Variants in CLEC16A observed in about 807,000 individuals in gnomAD.
CLEC16A encodes C-type lectin domain containing 16A, also known as protein CLEC16A.
CLEC16A carries 51 observed loss-of-function variants against 109.5 expected under a neutral mutation model. That is an observed-to-expected ratio of 0.47 (90% confidence interval 0.37 to 0.59). The LOEUF is 0.59. Ranked by LOEUF, CLEC16A falls within the 20% of genes least tolerant of loss-of-function variation. CLEC16A has a pLI of 0.00. For missense variants in CLEC16A, 1,339 were observed against 1,394.0 expected, an observed-to-expected ratio of 0.96 and a Z score of 0.63; for synonymous variants, 673 against 564.2, an observed-to-expected ratio of 1.19 and a Z score of -2.73.
chr16:11,000,295 C>T (rs546283338), intron 10 of CLEC16A, among the ~76,000 whole-genome samples: 2 of 152,296 alleles, frequency 1.3e-5, no homozygotes, highest in South Asian at 2.1e-4. Context: ...TATTTCACTT[C>T]GTCAGTTCTG....
At chr16:10,948,774 C>T (rs927577888) in intron 1 of CLEC16A, among the ~76,000 whole-genome samples, 3 of 152,160 alleles carry the variant, frequency 2.0e-5, no homozygotes, top group African/African-American at 7.2e-5. Context: ...TGTTTGGAGC[C>T]GTCAGAAATC....
At chr16:10,997,665 A>G (rs187847490) in intron 10 of CLEC16A, among the ~76,000 whole-genome samples, 38 of 152,354 alleles carry the variant, frequency 2.5e-4, no homozygotes, top group Admixed American at 6.5e-4. Context: ...TAATAAAACA[A>G]TTGAGTGATG....
At chr16:11,176,844 C>T (rs1406848546) in intron 23 of CLEC16A, among the ~76,000 whole-genome samples, 1 of 152,214 alleles carries the variant, frequency 6.6e-6, no homozygotes, top group Non-Finnish European at 1.5e-5. Flanking sequence ...GTCTGTCTCT[C>T]GTGCTTTCGC....
intron 11 of CLEC16A, among the ~76,000 whole-genome samples, chr16:11,012,666 T>G (rs1463022701): frequency 6.6e-6 from 1 of 151,686 alleles, no homozygotes; most frequent in Non-Finnish European, 1.5e-5. Context: ...ACCCGATTTT[T>G]GGTGAATTAA....
chr16:11,177,663 T>TG (rs922738450), intron 23 of CLEC16A, among the ~76,000 whole-genome samples: 4 of 148,794 alleles, frequency 2.7e-5, no homozygotes, highest in African/African-American at 9.9e-5. Context: ...CTGCGTTGGG[T>TG]GGAACCTCAC....
At chr16:11,029,645 T>G (rs1462517699) in intron 13 of CLEC16A, among the ~76,000 whole-genome samples, 1 of 152,216 alleles carries the variant, frequency 6.6e-6, no homozygotes, top group Non-Finnish European at 1.5e-5. Context: ...TTGTTTTGTA[T>G]ATATTGTCTT....
At chr16:11,157,435 C>T (rs568049644) in intron 22 of CLEC16A, among the ~76,000 whole-genome samples, 1 of 152,230 alleles carries the variant, frequency 6.6e-6, no homozygotes, top group African/African-American at 2.4e-5. Flanking sequence ...TTCATTGCCC[C>T]GAAAGCACAG....
chr16:11,169,975 A>G (rs1021529161), intron 23 of CLEC16A, among the ~76,000 whole-genome samples: 1 of 152,174 alleles, frequency 6.6e-6, no homozygotes, highest in Non-Finnish European at 1.5e-5. Flanking sequence ...TAGAAAACAC[A>G]GGGGCCCAGA....
At position 10,954,903 on chromosome 16, in the gene CLEC16A, C is replaced by G. The variant is rs2041915095; in HGVS notation, c.81-2879C>G. 2.6e-5 allele frequency among the ~76,000 whole-genome samples: 4 copies of G among 152,218 alleles called. No individual in the cohort carries two copies. Among genetic ancestry groups the G allele is most frequent in the Admixed American group, 2.6e-4 (4 of 15,280 alleles). ...TGTAGTAATAATGTGAATAACGGCCCCCACCACAATGACCATAATCTAATC... is the reference window on the plus strand; with the variant it reads ...TGTAGTAATAATGTGAATAACGGCCGCCACCACAATGACCATAATCTAATC... On this transcript the variant is annotated intron_variant, in intron 1 of 23. Coordinates refer to ENST00000409790, the MANE Select transcript of CLEC16A (RefSeq NM_015226.3). The surrounding 1 kb of genome is among the most constrained non-coding windows in gnomAD (Gnocchi z 4.2).
At chr16:11,068,022 C>T (rs2048863011) in intron 19 of CLEC16A, among the ~76,000 whole-genome samples, 1 of 152,254 alleles carries the variant, frequency 6.6e-6, no homozygotes, top group Admixed American at 6.5e-5. Context: ...TGCTCTCCTT[C>T]TGGCTGTTTC....
At chr16:11,044,159 A>T (rs1444385907) in intron 16 of CLEC16A, 87 bp downstream of exon 16, 1 of 1,140,944 alleles carries the variant, frequency 8.8e-7, no homozygotes, top group Non-Finnish European at 1.2e-6. Context: ...GATAAACGTT[A>T]TATGTCTTCA....
At chr16:10,949,635 G>A (rs895282689) in intron 1 of CLEC16A, among the ~76,000 whole-genome samples, 1 of 152,164 alleles carries the variant, frequency 6.6e-6, no homozygotes, top group Non-Finnish European at 1.5e-5. Flanking sequence ...CTGGGGCCCT[G>A]TAAATCACTT....
chr16:10,959,386 G>A (rs1483081306), intron 2 of CLEC16A, among the ~76,000 whole-genome samples: 1 of 151,956 alleles, frequency 6.6e-6, no homozygotes, highest in Non-Finnish European at 1.5e-5. Flanking sequence ...GGATCCATGG[G>A]GAATTTTGTT....
intron 10 of CLEC16A, among the ~76,000 whole-genome samples, chr16:10,999,848 AT>A (rs2044559522): frequency 6.6e-6 from 1 of 151,740 alleles, no homozygotes; most frequent in African/African-American, 2.4e-5. Context: ...TTATTTATTT[AT>A]TTTGAGACGG....
At chr16:11,017,772 C>G (rs1010929687) in intron 11 of CLEC16A, among the ~76,000 whole-genome samples, 1 of 152,150 alleles carries the variant, frequency 6.6e-6, no homozygotes, top group African/African-American at 2.4e-5. Context: ...AGACATTGCA[C>G]AAACCCAGAG....
chr16:11,137,670 G>A (rs191616313), intron 22 of CLEC16A, among the ~76,000 whole-genome samples: 26 of 151,750 alleles, frequency 1.7e-4, no homozygotes, highest in South Asian at 1.0e-3. Flanking sequence ...GTAGCCGGGC[G>A]TGGTGGTGTG....
chr16:11,042,297 T>G lies in CLEC16A; in HGVS notation c.1704T>G (p.Leu568=), dbSNP rs929187282. 6.3e-7 allele frequency: 1 copy of G among 1,592,414 alleles called. No homozygotes were observed. Among genetic ancestry groups the G allele is most frequent in the Admixed American group, 1.8e-5 (1 of 57,046 alleles). The change falls in exon 15 of 24, where the codon CTT becomes CTG. Residue 568 remains leucine (L), a synonymous_variant. Transcript: ENST00000409790. ...CGACGCTGGAGCTGAGCTGCCTGCT[T>G]CTGAAGCAGCAAGTCCTGATGAGTG... ...RLATLELSCL[L]LKQQVLMSAG...
At chr16:10,995,259 T>G (rs2044259376) in intron 10 of CLEC16A, among the ~76,000 whole-genome samples, 1 of 152,220 alleles carries the variant, frequency 6.6e-6, no homozygotes, top group Non-Finnish European at 1.5e-5. Context: ...CTGTGGCAAC[T>G]GAGACCTATA....
chr16:11,008,784 A>G (rs1004216914), intron 11 of CLEC16A, among the ~76,000 whole-genome samples: 2 of 147,854 alleles, frequency 1.4e-5, no homozygotes, highest in African/African-American at 5.0e-5. Context: ...AGGTCAGGAG[A>G]TCGAGACCCT....
Sources: gnomAD v4.1 joint callset for allele counts (sites outside exome capture counted in the v4.1 genomes callset) on GRCh38, gnomAD v4.1.1 for gene constraint, Gnocchi (gnomAD v3.1) non-coding constraint, MANE v1.5 for transcripts, NCBI Gene and HGNC (gene_info 2026-07-23, HGNC 2026-07-21) for gene names.